Variants in CCDC62 observed in about 807,000 individuals in gnomAD.
The protein encoded by CCDC62 is coiled-coil domain containing 62, also known as coiled-coil domain-containing protein 62.
CCDC62 carries 72 observed loss-of-function variants against 80.8 expected under a neutral mutation model. The observed-to-expected ratio is 0.89, with a 90% CI of 0.74 to 1.08. The LOEUF (loss-of-function observed/expected upper bound fraction) is 1.08, where lower values mean the gene tolerates loss of function less well. Among genes scored for constraint, CCDC62 ranks in the 50% least tolerant of loss-of-function variants. CCDC62 has a pLI of 0.00. For synonymous variants in CCDC62, 286 were observed against 296.5 expected (o/e 0.96, Z 0.36); for missense variants, 704 against 809.4 (o/e 0.87, Z 1.58).
rs745671215 is a variant in CCDC62 at position 122,801,352 on chromosome 12, C to G, written c.1206C>G (p.Asp402Glu). The change falls in exon 9 of 13, where the codon GAC becomes GAG. Residue 402 changes from aspartate (D) to glutamate (E), a missense_variant. Asp to Glu is a conservative substitution (Grantham distance 45, BLOSUM62 2). Transcript: ENST00000253079. ...CGCTGTCATCCATATTCACCAAAGACTTAGTAGAGAAACACAACCTCCCTT... is the reference window on the plus strand; with the variant it reads ...CGCTGTCATCCATATTCACCAAAGAGTTAGTAGAGAAACACAACCTCCCTT... ...VITLSSIFTKDLVEKHNLPWS... is the reference protein window; with the variant it reads ...VITLSSIFTKELVEKHNLPWS... 2.5e-6 allele frequency: 4 copies of G among 1,614,018 alleles called. No individual in the cohort carries two copies. In the African/African-American group the frequency reaches 5.3e-5, roughly 22 times the overall value.
chr12:122,806,015 A>G, intron 9 of CCDC62, 136 bp from the exon 10 acceptor site: 1 of 667,734 alleles, frequency 1.5e-6, no homozygotes, highest in Non-Finnish European at 2.4e-6. Flanking sequence ...CCAATCTATA[A>G]TGTTCTACTC....
At chr12:122,788,962 G>A (rs1411846569) in intron 5 of CCDC62, 33 bp downstream of exon 5, 4 of 1,498,676 alleles carry the variant, frequency 2.7e-6, no homozygotes, top group Non-Finnish European at 1.8e-6. Flanking sequence ...AGATACAAAT[G>A]TATTATCTTG....
chr12:122,786,958 A>T (rs775304117), intron 4 of CCDC62, among the ~76,000 whole-genome samples: 11 of 151,718 alleles, frequency 7.3e-5, no homozygotes, highest in Non-Finnish European at 1.2e-4. Flanking sequence ...ACTCCGTCTC[A>T]AAAAAAAATT....
At position 122,798,113 on chromosome 12, in the gene CCDC62, A is replaced by T. The variant is rs753929252; in HGVS notation, c.890A>T (p.Gln297Leu). The stretch of plus-strand genomic sequence containing the variant: ...TATGTAAAACAACAGAGTGATCTGC[A>T]GTTTCTTAATTTCAATGTGGAAAAT... ...QIYVKQQSDL[Q>L]FLNFNVENSQ... The change falls in exon 8 of 13, where the codon CAG (glutamine) becomes CTG (leucine). Residue 297 changes from glutamine to leucine, a missense_variant. Gln to Leu is a moderately radical substitution (Grantham distance 113). Transcript: ENST00000253079. 1 of 1,547,392 alleles carries T rather than the reference A, an allele frequency of 6.5e-7. No homozygotes were observed. The highest frequency in any genetic ancestry group is 1.1e-5 in the South Asian group (1 of 89,458).
At chr12:122,778,353 CA>C (rs34065757) in intron 2 of CCDC62, among the ~76,000 whole-genome samples, 46,929 of 118,138 alleles carry the variant, frequency 0.4, 7,455 homozygotes, top group Middle Eastern at 0.52. Flanking sequence ...GACCCTGTCC[CA>C]AAAAAAAAAA....
chr12:122,777,113 T>G lies in CCDC62; in HGVS notation c.37-378T>G, dbSNP rs190211351. On this transcript the variant is annotated intron_variant, in intron 1 of 12. Transcript: ENST00000253079. ...GCCTGGCCACTATTTCATGTTTACC[T>G]GTACTTGGTTACTCAAATTGCTGGG... 1.6e-4 allele frequency: 27 copies of G among 166,646 alleles called. No homozygotes were observed. The East Asian group carries it at 3.6e-3, about 22-fold the overall frequency. 10.3% of individuals were successfully genotyped at this position (166,646 alleles called of 1,614,324 possible). A position where few individuals can be genotyped will look rare whatever the true frequency, so the allele number is the denominator to read the frequency against.
chr12:122,791,714 G>T (rs997572366), intron 5 of CCDC62, among the ~76,000 whole-genome samples: 2 of 152,250 alleles, frequency 1.3e-5, no homozygotes, highest in African/African-American at 4.8e-5. Flanking sequence ...CTCCCAAAGT[G>T]CTGGGATTAT....
intron 11 of CCDC62, among the ~76,000 whole-genome samples, chr12:122,819,788 C>T (rs535568521): frequency 1.3e-5 from 2 of 152,232 alleles, no homozygotes; most frequent in Non-Finnish European, 2.9e-5. Flanking sequence ...GGAGCAGTGG[C>T]TCACACCTGT....
chr12:122,781,380 T>TGAAAAA, intron 3 of CCDC62, 50 bp downstream of exon 3: 1 of 1,564,366 alleles, frequency 6.4e-7, no homozygotes, highest in Non-Finnish European at 8.8e-7. Flanking sequence ...CCCTTTGTGT[T>TGAAAAA]TCAGTTATTG....
chr12:122,781,610 G>A (rs1421468981), intron 3 of CCDC62, among the ~76,000 whole-genome samples: 2 of 151,438 alleles, frequency 1.3e-5, no homozygotes. Flanking sequence ...GTTTGAACCC[G>A]GGAGGTGGAG....
In CCDC62 at chr12:122,827,247, A is replaced by T. The variant is rs985839973; in HGVS notation, c.*866A>T. 6.6e-6 allele frequency: 1 copy of T among 152,188 alleles called. No individual in the cohort carries two copies. The highest frequency in any genetic ancestry group is 2.4e-5 in the African/African-American group (1 of 41,452). 9.4% of individuals were successfully genotyped at this position (152,188 alleles called of 1,614,324 possible). A position where few individuals can be genotyped will look rare whatever the true frequency, so the allele number is the denominator to read the frequency against. ...CCTTGGTTTCTTTTTATTTTACAGG[A>T]GTAAAATAAGGAAGGAACGTTCATC... On this transcript the variant is annotated 3_prime_UTR_variant, in exon 13 of 13. Transcript: ENST00000253079.
At chr12:122,785,387 C>T (rs2030149790) in intron 3 of CCDC62, among the ~76,000 whole-genome samples, 2 of 152,042 alleles carry the variant, frequency 1.3e-5, no homozygotes, top group South Asian at 4.1e-4. Context: ...CTCTTCCCAA[C>T]CTAAAATTAC....
intron 6 of CCDC62, 63 bp downstream of exon 6, chr12:122,792,184 T>C (rs2135546060): frequency 1.0e-6 from 1 of 982,596 alleles, no homozygotes; most frequent in African/African-American, 1.6e-5. Context: ...CTGAAGGAAT[T>C]ATACCTCTCC....
chr12:122,782,495 G>C (rs2029926781), intron 3 of CCDC62, among the ~76,000 whole-genome samples: 1 of 152,072 alleles, frequency 6.6e-6, no homozygotes, highest in Non-Finnish European at 1.5e-5. Context: ...TTTCACTCTT[G>C]TTGCCCAGGC....
At chr12:122,793,384 C>A (rs1183635529) in intron 6 of CCDC62, among the ~76,000 whole-genome samples, 2 of 152,098 alleles carry the variant, frequency 1.3e-5, no homozygotes, top group Non-Finnish European at 2.9e-5. Context: ...CCAGTAGAAT[C>A]ATCTTGGCTG....
chr12:122,803,737 T>A (rs757469099), intron 9 of CCDC62, among the ~76,000 whole-genome samples: 3 of 152,216 alleles, frequency 2.0e-5, no homozygotes, highest in Non-Finnish European at 4.4e-5. Flanking sequence ...CTAAATGTCA[T>A]CTATTCATAT....
intron 9 of CCDC62, 92 bp downstream of exon 9, chr12:122,801,944 A>G (rs11060065): frequency 0.043 from 56,823 of 1,332,756 alleles, 2,172 homozygotes; most frequent in East Asian, 0.23. Context: ...CATACCTACT[A>G]TTAATCCAAA....
Position 122,792,123 on chromosome 12 carries a change from T to G in CCDC62, c.772+2T>G, listed in dbSNP as rs1205006785. On this transcript the variant is annotated splice_donor_variant, in intron 6 of 12. Coordinates refer to ENST00000253079, the MANE Select transcript of CCDC62 (RefSeq NM_201435.5). LOFTEE classifies it high-confidence loss of function. ...TGCACGATGAATTGCTTTTTACTGG[T>G]AAAACAGATGATCGAATGTATTTGT... 1.3e-6 allele frequency: 2 copies of G among 1,563,310 alleles called. No homozygotes were observed. The highest frequency in any genetic ancestry group is 1.8e-6 in the Non-Finnish European group (2 of 1,134,376).
At chr12:122,795,341 G>A (rs1273676864) in intron 6 of CCDC62, among the ~76,000 whole-genome samples, 8 of 151,892 alleles carry the variant, frequency 5.3e-5, no homozygotes, top group East Asian at 2.0e-4. Context: ...GTGAGCCACC[G>A]CACCCAGTCA....
Sources: allele counts gnomAD v4.1 joint callset (sites outside exome capture counted in the v4.1 genomes callset), GRCh38; gene constraint gnomAD v4.1.1; transcripts MANE v1.5; gene names NCBI Gene and HGNC (gene_info 2026-07-23, HGNC 2026-07-21).